Variants in CRK observed in about 807,000 individuals in gnomAD.
CRK encodes CRK proto-oncogene, adaptor protein.
In CRK, 4 loss-of-function variants were observed where a neutral mutation model predicts 29.8. The observed-to-expected ratio is 0.13, with a 90% CI of 0.07 to 0.31. The LOEUF is 0.31. Ranked by LOEUF, CRK falls within the 10% of genes least tolerant of loss-of-function variation. The probability of loss-of-function intolerance (pLI) is 1.00; values close to 1 mark genes in which losing one functional copy is unlikely to be tolerated. For synonymous variants in CRK, 153 were observed against 164.9 expected, an observed-to-expected ratio of 0.93 and a Z score of 0.55; for missense variants, 274 against 396.5, an observed-to-expected ratio of 0.69 and a Z score of 2.62.
intron 2 of CRK, among the ~76,000 whole-genome samples, chr17:1,430,831 G>A (rs1359671196): frequency 6.6e-6 from 1 of 151,662 alleles, no homozygotes; most frequent in Admixed American, 6.6e-5. Flanking sequence ...ACTTTGGGAG[G>A]CCGAGGTGGG....
intron 2 of CRK, among the ~76,000 whole-genome samples, chr17:1,428,521 CTT>C (rs754259440): frequency 0.018 from 1,975 of 111,110 alleles, 34 homozygotes; most frequent in African/African-American, 0.065. Context: ...CATATCAGAT[CTT>C]TTTTTTTTTT....
chr17:1,428,785 G>A (rs1195153040), intron 2 of CRK, among the ~76,000 whole-genome samples: 1 of 151,210 alleles, frequency 6.6e-6, no homozygotes, highest in Non-Finnish European at 1.5e-5. Context: ...GCCTCCCAAA[G>A]TGCTGGGATT....
At chr17:1,436,490 A>G (rs188942433) in intron 2 of CRK, 130 bp downstream of exon 2, 17 of 961,194 alleles carry the variant, frequency 1.8e-5, no homozygotes, top group African/African-American at 1.5e-4. Context: ...TTCAATGCCA[A>G]CATCAGTGCT....
intron 2 of CRK, among the ~76,000 whole-genome samples, chr17:1,428,014 A>C (rs929167597): frequency 1.3e-5 from 2 of 152,046 alleles, no homozygotes; most frequent in Non-Finnish European, 2.9e-5. Flanking sequence ...GGGTAGGTTG[A>C]AAAGTGGACC....
chr17:1,455,242 G>T (rs1254066835), intron 1 of CRK, among the ~76,000 whole-genome samples: 2 of 152,196 alleles, frequency 1.3e-5, no homozygotes, highest in African/African-American at 4.8e-5. Flanking sequence ...GGTCACTGAA[G>T]GCTTTCTGCT....
At position 1,436,761 on chromosome 17, in the gene CRK, T is replaced by C. The variant is rs1196996728; in HGVS notation, c.636A>G (p.Pro212=). The C allele has an allele frequency of 1.4e-5, 23 of 1,587,666 alleles. No homozygotes were observed. The highest frequency in any genetic ancestry group is 1.9e-5 in the Non-Finnish European group (22 of 1,169,528). The change falls in exon 2 of 3, where the codon CCA becomes CCG. Residue 212 remains proline (P), a synonymous_variant. Transcript: ENST00000300574. ...AGGGCCCAGGCTCCGGCCCACCCAG[T>C]GGCTGTGGGTGGGAACCCTCCTGGT... The part of the protein sequence containing the change: ...GGNQEGSHPQ[P]LGGPEPGPYA...
At position 1,456,220 on chromosome 17, in the gene CRK, C is replaced by G. The variant is rs939231301; in HGVS notation, c.-103G>C. 4 of 1,300,556 alleles carry G rather than the reference C, an allele frequency of 3.1e-6. No individual in the cohort carries two copies. The highest frequency in any genetic ancestry group is 4.3e-5 in the Admixed American group (1 of 23,496). 80.6% of individuals were successfully genotyped at this position (1,300,556 alleles called of 1,614,324 possible). ...ACCGGCTCCGGTTTCAGCTTCACAGCAGCGCCCGAAATGGCGGCGGCAGCC... is the reference window on the plus strand; with the variant it reads ...ACCGGCTCCGGTTTCAGCTTCACAGGAGCGCCCGAAATGGCGGCGGCAGCC... On this transcript the variant is annotated 5_prime_UTR_variant, in exon 1 of 3. Coordinates refer to ENST00000300574, the MANE Select transcript of CRK (RefSeq NM_016823.4).
At chr17:1,427,504 A>G (rs1039816286) in intron 2 of CRK, among the ~76,000 whole-genome samples, 11 of 151,562 alleles carry the variant, frequency 7.3e-5, no homozygotes, top group African/African-American at 2.7e-4. Flanking sequence ...GAGGCAGGAG[A>G]ATGGTGTGAA....
At chr17:1,435,311 C>G (rs993029722) in intron 2 of CRK, among the ~76,000 whole-genome samples, 1 of 152,098 alleles carries the variant, frequency 6.6e-6, no homozygotes, top group African/African-American at 2.4e-5. Context: ...CTCGGCCTCC[C>G]AAGGTGCTGG....
intron 2 of CRK, among the ~76,000 whole-genome samples, chr17:1,433,825 G>GTTTT (rs56071119): frequency 7.9e-6 from 1 of 127,338 alleles, no homozygotes; most frequent in Non-Finnish European, 1.6e-5. Context: ...AGCATGTATG[G>GTTTT]TTTTTTTTTT....
chr17:1,428,521 CTTTTTT>C (rs754259440), intron 2 of CRK, among the ~76,000 whole-genome samples: 1 of 111,196 alleles, frequency 9.0e-6, no homozygotes, highest in South Asian at 2.9e-4. Flanking sequence ...CATATCAGAT[CTTTTTT>C]TTTTTTTTTT....
intron 2 of CRK, among the ~76,000 whole-genome samples, chr17:1,425,819 T>C (rs970973687): frequency 2.0e-5 from 3 of 152,094 alleles, no homozygotes; most frequent in Admixed American, 2.0e-4. Context: ...AGTCACTGTA[T>C]GGGTCATAGG....
chr17:1,439,474 A>T (rs1246531644), intron 1 of CRK, among the ~76,000 whole-genome samples: 1 of 152,058 alleles, frequency 6.6e-6, no homozygotes, highest in Non-Finnish European at 1.5e-5. Flanking sequence ...AACTATTTTC[A>T]TTGGATTTTT....
chr17:1,439,915 G>A (rs193085447), intron 1 of CRK, among the ~76,000 whole-genome samples: 78 of 152,268 alleles, frequency 5.1e-4, no homozygotes, highest in African/African-American at 1.8e-3. Context: ...AACTTTAGGA[G>A]GCTGAGGTGG....
intron 1 of CRK, among the ~76,000 whole-genome samples, chr17:1,454,306 C>G (rs770361249): frequency 6.6e-6 from 1 of 151,260 alleles, no homozygotes; most frequent in Non-Finnish European, 1.5e-5. Context: ...TTTGGGAGGC[C>G]GAGGCTGGTG....
chr17:1,445,231 T>C (rs866378767), intron 1 of CRK, among the ~76,000 whole-genome samples: 1 of 152,108 alleles, frequency 6.6e-6, no homozygotes, highest in Non-Finnish European at 1.5e-5. Flanking sequence ...GTCCTTCCGG[T>C]AGAAAGAGTA....
intron 1 of CRK, among the ~76,000 whole-genome samples, chr17:1,453,441 T>G (rs767861487): frequency 6.6e-6 from 1 of 152,144 alleles, no homozygotes; most frequent in Non-Finnish European, 1.5e-5. Context: ...TGTGACGACA[T>G]ATAATGCAAA....
chr17:1,451,586 G>A (rs569113549), intron 1 of CRK, among the ~76,000 whole-genome samples: 2 of 152,232 alleles, frequency 1.3e-5, no homozygotes, highest in South Asian at 2.1e-4. Flanking sequence ...GGATGCGGCT[G>A]TATGTGCCTG....
intron 1 of CRK, among the ~76,000 whole-genome samples, chr17:1,444,899 A>G (rs959657819): frequency 3.3e-5 from 5 of 151,926 alleles, no homozygotes; most frequent in African/African-American, 1.2e-4. Context: ...CTGTAATCCC[A>G]GCACTCTGGG....
Sources: allele counts gnomAD v4.1 joint callset (sites outside exome capture counted in the v4.1 genomes callset), GRCh38; gene constraint gnomAD v4.1.1; transcripts MANE v1.5; gene names NCBI Gene and HGNC (gene_info 2026-07-23, HGNC 2026-07-21).